Variants in GLI2 observed in about 807,000 individuals in gnomAD.
GLI2 encodes GLI family zinc finger 2, also known as transcription activator GLI2.
In GLI2, 22 loss-of-function variants were observed where a neutral mutation model predicts 78.9. That is an observed-to-expected ratio of 0.28 (90% CI 0.20 to 0.40). The LOEUF is 0.40. Ranked by LOEUF, GLI2 falls within the 10% of genes least tolerant of loss-of-function variation. The probability of loss-of-function intolerance (pLI) is 1.00; values close to 1 mark genes in which losing one functional copy is unlikely to be tolerated. For missense variants in GLI2, 2,097 were observed against 2,213.2 expected, an observed-to-expected ratio of 0.95 and a Z score of 1.05; for synonymous variants, 974 against 963.7, an observed-to-expected ratio of 1.01 and a Z score of -0.20.
chr2:120,754,311 G>GT (rs1167919944), intron 1 of GLI2, among the ~76,000 whole-genome samples: 21 of 151,744 alleles, frequency 1.4e-4, no homozygotes, highest in South Asian at 2.1e-4. Context: ...TTTCAGCGGA[G>GT]TTTTTTTTTA....
chr2:120,937,745 C>G (rs1057058105), intron 3 of GLI2, among the ~76,000 whole-genome samples: 1 of 152,254 alleles, frequency 6.6e-6, no homozygotes, highest in Admixed American at 6.5e-5. Context: ...AGCACACCCA[C>G]CTCGAAGAAG....
chr2:120,893,716 GA>G (rs201189382), intron 2 of GLI2, among the ~76,000 whole-genome samples: 12 of 150,904 alleles, frequency 8.0e-5, no homozygotes, highest in Non-Finnish European at 1.8e-4. Context: ...CCACAAAACA[GA>G]AAAAAAAGAT....
intron 2 of GLI2, among the ~76,000 whole-genome samples, chr2:120,819,243 T>TC (rs1288464793): frequency 2.7e-5 from 4 of 146,918 alleles, no homozygotes; most frequent in African/African-American, 5.1e-5. Flanking sequence ...ATAGAGATTT[T>TC]TTTTTTTTTT....
rs138974360 is a variant in GLI2 at position 120,955,349 on chromosome 2, G to A, written c.562G>A (p.Ala188Thr). 27 of 1,613,444 alleles carry A rather than the reference G, an allele frequency of 1.7e-5. No individual in the cohort carries two copies. Among genetic ancestry groups the A allele is most frequent in the South Asian group, 9.9e-5 (9 of 91,052 alleles). ...GATGACCCTCGTGGCAGGCCACCCC[G>A]CGCCCTACGGGGACCTGCTGATGCA... ...HQMTLVAGHP[A>T]PYGDLLMQSG... The change falls in exon 5 of 14, where the codon GCG (alanine) becomes ACG (threonine). Residue 188 changes from alanine to threonine, a missense_variant. Physicochemically the swap from Ala to Thr is moderately conservative, Grantham distance 58. Coordinates refer to ENST00000361492, the MANE Select transcript of GLI2 (RefSeq NM_001374353.1).
chr2:120,753,610 AT>A (rs1465608745), intron 1 of GLI2, among the ~76,000 whole-genome samples: 2 of 151,980 alleles, frequency 1.3e-5, no homozygotes, highest in African/African-American at 4.8e-5. Flanking sequence ...AATTAAAGCT[AT>A]TTCCAGGCTG....
intron 1 of GLI2, among the ~76,000 whole-genome samples, chr2:120,783,252 G>T (rs113124005): frequency 1.9e-4 from 29 of 152,178 alleles, no homozygotes; most frequent in African/African-American, 6.7e-4. Flanking sequence ...CGTCTTGGAG[G>T]GCTCTCTAGG....
At chr2:120,855,279 T>C (rs1177972716) in intron 2 of GLI2, among the ~76,000 whole-genome samples, 1 of 152,216 alleles carries the variant, frequency 6.6e-6, no homozygotes, top group Non-Finnish European at 1.5e-5. Context: ...TGGAGGCAGC[T>C]GTCAGCTGTG....
chr2:120,950,704 C>A (rs776035447), intron 3 of GLI2, among the ~76,000 whole-genome samples: 1 of 152,228 alleles, frequency 6.6e-6, no homozygotes, highest in Admixed American at 6.5e-5. Context: ...ACCCTGCGGC[C>A]GAGCTGGTCA....
Position 120,990,574 on chromosome 2 carries a change from C to A in GLI2, c.4609C>A (p.Pro1537Thr). ...CACCCCCCGAAACTCCTTGACCCTGCCCTCCATCCCCGCAGGCATCAGCAA... is the reference window on the plus strand; with the variant it reads ...CACCCCCCGAAACTCCTTGACCCTGACCTCCATCCCCGCAGGCATCAGCAA... ...LTTPRNSLTL[P>T]SIPAGISNMA... is the part of the protein sequence containing the mutation. The change falls in exon 14 of 14, where the codon CCC becomes ACC. Residue 1537 changes from proline (P) to threonine (T), a missense_variant. By Grantham distance (38) the Pro-to-Thr change is conservative. This residue lies in a region of GLI2 where 1,290 missense variants were observed against 1,261.7 expected (regional missense o/e 1.02). Coordinates refer to ENST00000361492, the MANE Select transcript of GLI2 (RefSeq NM_001374353.1). 6.2e-7 allele frequency: 1 copy of A among 1,614,034 alleles called. No individual in the cohort carries two copies. The highest frequency in any genetic ancestry group is 8.5e-7 in the Non-Finnish European group (1 of 1,179,990).
intron 1 of GLI2, among the ~76,000 whole-genome samples, chr2:120,750,676 C>T (rs563145212): frequency 6.6e-6 from 1 of 152,256 alleles, no homozygotes; most frequent in Non-Finnish European, 1.5e-5. Context: ...GCAAAGTCCT[C>T]ATTCTCATTT....
rs763722028 is a variant in GLI2, at chr2:120,990,149, C to G, written c.4184C>G (p.Thr1395Arg). Residue 1395 changes from threonine to arginine, a missense_variant, in exon 14 of 14, where the codon ACA becomes AGA. Coordinates refer to ENST00000361492, the MANE Select transcript of GLI2 (RefSeq NM_001374353.1). ...GCTGCCATGCCGTCCAGTCAGGAAACAGCAGAGGCTGTGCCCAAGGGAGCG... is the reference window on the plus strand; with the variant it reads ...GCTGCCATGCCGTCCAGTCAGGAAAGAGCAGAGGCTGTGCCCAAGGGAGCG... The part of the protein sequence containing the change: ...AMAAMPSSQE[T>R]AEAVPKGAMG... 6.8e-6 allele frequency: 11 copies of G among 1,610,852 alleles called. No individual in the cohort carries two copies. The highest frequency in any genetic ancestry group is 8.5e-6 in the Non-Finnish European group (10 of 1,178,326).
intron 2 of GLI2, among the ~76,000 whole-genome samples, chr2:120,802,015 G>A (rs139865614): frequency 6.6e-6 from 1 of 152,168 alleles, no homozygotes; most frequent in Non-Finnish European, 1.5e-5. Flanking sequence ...CCTTGGTAAG[G>A]TCTCCTCATG....
chr2:120,788,952 C>T (rs1358698312), intron 1 of GLI2, among the ~76,000 whole-genome samples: 1 of 152,106 alleles, frequency 6.6e-6, no homozygotes, highest in African/African-American at 2.4e-5. Context: ...ACTTCAGTCT[C>T]CTCCTAGCCT....
intron 2 of GLI2, among the ~76,000 whole-genome samples, chr2:120,812,635 C>A (rs2077243): frequency 1.3e-5 from 2 of 151,854 alleles, no homozygotes; most frequent in East Asian, 3.9e-4. Flanking sequence ...CACACCCTGG[C>A]GTGTCATGGT....
At chr2:120,751,645 C>G (rs1682877126) in intron 1 of GLI2, among the ~76,000 whole-genome samples, 2 of 151,998 alleles carry the variant, frequency 1.3e-5, no homozygotes. Flanking sequence ...ACTCCAGGCC[C>G]ACGTTGGTGT....
intron 1 of GLI2, among the ~76,000 whole-genome samples, chr2:120,793,948 G>A (rs1486658792): frequency 6.6e-6 from 1 of 152,190 alleles, no homozygotes; most frequent in African/African-American, 2.4e-5. Context: ...ATAAGAACTG[G>A]TGATGACATC....
chr2:120,967,158 G>A (rs538688860), intron 5 of GLI2, among the ~76,000 whole-genome samples: 2 of 152,322 alleles, frequency 1.3e-5, no homozygotes, highest in South Asian at 4.1e-4. Context: ...CAGCCCATGG[G>A]GAACCCGGAG....
chr2:120,831,394 G>A (rs935406592), intron 2 of GLI2, among the ~76,000 whole-genome samples: 6 of 152,176 alleles, frequency 3.9e-5, no homozygotes, highest in Non-Finnish European at 7.3e-5. Context: ...GAGGTTACAG[G>A]GCTCACAGTG....
At chr2:120,899,433 A>G (rs1219761294) in intron 2 of GLI2, among the ~76,000 whole-genome samples, 2 of 151,654 alleles carry the variant, frequency 1.3e-5, no homozygotes, top group Non-Finnish European at 2.9e-5. Context: ...ACACACATAC[A>G]CACATGCACA....
Sources: gnomAD v4.1 joint callset for allele counts (sites outside exome capture counted in the v4.1 genomes callset) on GRCh38, gnomAD v4.1.1 for gene constraint, gnomAD v4.1.1 regional missense constraint, MANE v1.5 for transcripts, NCBI Gene and HGNC (gene_info 2026-07-23, HGNC 2026-07-21) for gene names.